The following PTPRG variants were observed in gnomAD, a reference collection of about 807,000 sequenced individuals.
PTPRG encodes receptor-type tyrosine-protein phosphatase gamma.
Under a neutral mutation model 165.3 loss-of-function variants are expected in PTPRG, and 102 were observed. The observed-to-expected ratio is 0.62, with a 90% CI of 0.53 to 0.73. The LOEUF (loss-of-function observed/expected upper bound fraction) is 0.73. PTPRG is among the 30% of genes least tolerant of loss of function. The pLI, the probability that PTPRG is intolerant of heterozygous loss-of-function variation, is 0.00. For synonymous variants in PTPRG, 675 were observed against 669.5 expected (o/e 1.01, Z -0.13); for missense variants, 1,866 against 1,861.4 (o/e 1.00, Z -0.05).
intron 5 of PTPRG, among the ~76,000 whole-genome samples, chr3:62,091,715 G>A (rs767700534): frequency 9.9e-5 from 15 of 152,170 alleles, no homozygotes; most frequent in Non-Finnish European, 1.5e-4. Context: ...GTGATCGTTG[G>A]AGATTTTAGA....
intron 1 of PTPRG, among the ~76,000 whole-genome samples, chr3:61,593,684 T>TA (rs1413605330): frequency 1.4e-5 from 2 of 143,886 alleles, no homozygotes; most frequent in Non-Finnish European, 1.5e-5. Context: ...GGAGAGAAGT[T>TA]AGAAAAGGGG....
Position 61,824,219 on chromosome 3 carries a change from C to T in PTPRG, c.190+75237C>T, listed in dbSNP as rs1173829097. 2.6e-5 allele frequency among the ~76,000 whole-genome samples: 4 copies of T among 152,112 alleles called. No homozygotes were observed. In the South Asian group the frequency reaches 8.3e-4, roughly 31 times the overall value. ...TTTTCCAAACCACACTAGACTATTCCTATTGAGTTAGTTTAAAATATTTTC... is the reference window on the plus strand; with the variant it reads ...TTTTCCAAACCACACTAGACTATTCTTATTGAGTTAGTTTAAAATATTTTC... On this transcript the variant is annotated intron_variant, in intron 2 of 29. Coordinates refer to ENST00000474889, the MANE Select transcript of PTPRG (RefSeq NM_002841.4).
chr3:62,161,750 G>A (rs1415447371), intron 7 of PTPRG, among the ~76,000 whole-genome samples: 1 of 152,170 alleles, frequency 6.6e-6, no homozygotes, highest in East Asian at 1.9e-4. Flanking sequence ...GCTGTTCTTA[G>A]ATTTTATGTT....
At chr3:61,566,225 TCCCA>T (rs1699910469) in intron 1 of PTPRG, among the ~76,000 whole-genome samples, 1 of 152,234 alleles carries the variant, frequency 6.6e-6, no homozygotes, top group Non-Finnish European at 1.5e-5. Context: ...TTTGAGTATC[TCCCA>T]TTAATTATGG....
At chr3:61,798,890 A>T (rs1156329477) in intron 2 of PTPRG, among the ~76,000 whole-genome samples, 1 of 152,174 alleles carries the variant, frequency 6.6e-6, no homozygotes, top group East Asian at 1.9e-4. Flanking sequence ...CCTCCTGTTG[A>T]TGGGGTAGAG....
In PTPRG at chr3:61,562,260, T is replaced by C. The variant is rs778917423; in HGVS notation, c.-28T>C. ...TATTCAACAAGTTTACCTCCCTGCT[T>C]TCCTCTTTTCGATGTGCGTTTTCGG... On this transcript the variant is annotated 5_prime_UTR_variant, in exon 1 of 30. Transcript: ENST00000474889. 2.3e-5 allele frequency: 37 copies of C among 1,605,110 alleles called. No individual in the cohort carries two copies. The highest frequency in any genetic ancestry group is 2.7e-5 in the Non-Finnish European group (32 of 1,172,074).
intron 2 of PTPRG, among the ~76,000 whole-genome samples, chr3:61,798,455 T>C (rs2035125428): frequency 6.6e-6 from 1 of 152,150 alleles, no homozygotes. Context: ...ATCAGTGTAA[T>C]GTTTATCAGA....
At chr3:62,239,442 A>T (rs1217218154) in intron 14 of PTPRG, among the ~76,000 whole-genome samples, 1 of 143,552 alleles carries the variant, frequency 7.0e-6, no homozygotes, top group African/African-American at 2.6e-5. Context: ...GCTCACTGCA[A>T]CCTCTGCCTC....
intron 16 of PTPRG, among the ~76,000 whole-genome samples, chr3:62,259,714 A>G (rs1467667655): frequency 6.6e-6 from 1 of 152,216 alleles, no homozygotes; most frequent in Non-Finnish European, 1.5e-5. Flanking sequence ...GCAGGATAAT[A>G]ATGCTGTGTT....
intron 1 of PTPRG, among the ~76,000 whole-genome samples, chr3:61,583,963 A>G (rs762915917): frequency 1.3e-5 from 2 of 152,232 alleles, no homozygotes; most frequent in Non-Finnish European, 2.9e-5. Flanking sequence ...ATAGATAACT[A>G]GATGTGTTGA....
chr3:61,611,114 T>C (rs1575536485), intron 1 of PTPRG, among the ~76,000 whole-genome samples: 1 of 152,206 alleles, frequency 6.6e-6, no homozygotes, highest in South Asian at 2.1e-4. Context: ...TTCTTTCTTT[T>C]TCTAAACGGC....
At chr3:61,875,371 A>AT (rs1159318133) in intron 2 of PTPRG, among the ~76,000 whole-genome samples, 1 of 139,668 alleles carries the variant, frequency 7.2e-6, no homozygotes, top group Admixed American at 6.8e-5. Flanking sequence ...TCTGCAAGGC[A>AT]AAACGTTTTG....
chr3:61,813,617 G>C (rs1241990746), intron 2 of PTPRG, among the ~76,000 whole-genome samples: 1 of 142,738 alleles, frequency 7.0e-6, no homozygotes, highest in African/African-American at 2.6e-5. Flanking sequence ...TTATTTTTCA[G>C]CCATGAAGAG....
intron 2 of PTPRG, among the ~76,000 whole-genome samples, chr3:61,987,606 G>A (rs2040792258): frequency 6.6e-6 from 1 of 152,044 alleles, no homozygotes; most frequent in Non-Finnish European, 1.5e-5. Context: ...TTATTGTACT[G>A]TAAGTTTCTA....
intron 2 of PTPRG, among the ~76,000 whole-genome samples, chr3:61,782,342 A>G (rs547914682): frequency 2.0e-5 from 3 of 152,354 alleles, no homozygotes; most frequent in African/African-American, 7.2e-5. Flanking sequence ...TAATTTGACA[A>G]ACCAATCAGT....
At chr3:61,856,723 CTG>C (rs1427141975) in intron 2 of PTPRG, among the ~76,000 whole-genome samples, 2 of 152,148 alleles carry the variant, frequency 1.3e-5, no homozygotes, top group South Asian at 2.1e-4. Flanking sequence ...CACTCTGTAG[CTG>C]TGTAATATTT....
intron 1 of PTPRG, among the ~76,000 whole-genome samples, chr3:61,727,821 A>G (rs1455866954): frequency 1.8e-4 from 27 of 152,238 alleles, no homozygotes; most frequent in Non-Finnish European, 1.5e-5. Context: ...ACCTACCATG[A>G]CACTGAAATT....
chr3:62,075,865 A>G (rs1300734552), intron 4 of PTPRG, among the ~76,000 whole-genome samples: 1 of 152,186 alleles, frequency 6.6e-6, no homozygotes, highest in East Asian at 1.9e-4. Context: ...GAAAGAACTA[A>G]TTATATAGAA....
rs1190846748 is a variant in PTPRG, at chr3:62,190,445, T to A, written c.1034-1024T>A. On this transcript the variant is annotated intron_variant, in intron 8 of 29. Coordinates refer to ENST00000474889, the MANE Select transcript of PTPRG (RefSeq NM_002841.4). The surrounding 1 kb of genome is among the most constrained non-coding windows in gnomAD (Gnocchi z 5.2). ...TTTCCGGCTGACTGGATTGGACCTG[T>A]TGAGCATTTGTATAACTCATTCAGA... Among the ~76,000 whole-genome samples, 1 of 152,200 alleles carries A rather than the reference T, an allele frequency of 6.6e-6. No individual in the cohort carries two copies. The highest frequency in any genetic ancestry group is 1.5e-5 in the Non-Finnish European group (1 of 68,036).
Sources: allele counts gnomAD v4.1 joint callset (sites outside exome capture counted in the v4.1 genomes callset), GRCh38; gene constraint gnomAD v4.1.1; non-coding constraint Gnocchi (gnomAD v3.1); transcripts MANE v1.5; gene names NCBI Gene and HGNC (gene_info 2026-07-23, HGNC 2026-07-21).